Variants in CFAP61 observed in about 807,000 individuals in gnomAD.
CFAP61 encodes the protein cilia and flagella associated protein 61.
Under a neutral mutation model 135.6 loss-of-function variants are expected in CFAP61, and 107 were observed. That is an observed-to-expected ratio of 0.79 (90% CI 0.67 to 0.93). The LOEUF (loss-of-function observed/expected upper bound fraction) is 0.93. Ranked by LOEUF, CFAP61 falls within the 40% of genes least tolerant of loss-of-function variation. The pLI, the probability that CFAP61 is intolerant of heterozygous loss-of-function variation, is 0.00. For missense variants in CFAP61, 1,507 were observed against 1,556.2 expected (o/e 0.97, Z 0.53); for synonymous variants, 575 against 578.5 (o/e 0.99, Z 0.09).
chr20:20,295,458 G>A (rs2055350654), intron 24 of CFAP61, among the ~76,000 whole-genome samples: 1 of 152,114 alleles, frequency 6.6e-6, no homozygotes, highest in Admixed American at 6.5e-5. Flanking sequence ...CTGCCGTGGT[G>A]CAGGAGCCAC....
At chr20:20,226,314 A>G (rs1024745756) in intron 17 of CFAP61, 1 of 152,244 alleles carries the variant, frequency 6.6e-6, no homozygotes, top group Admixed American at 6.5e-5. Flanking sequence ...TGAGAAGAAC[A>G]TGCTCTGGCT....
chr20:20,294,559 C>T (rs908071885), intron 24 of CFAP61, among the ~76,000 whole-genome samples: 3 of 152,182 alleles, frequency 2.0e-5, no homozygotes, highest in African/African-American at 7.2e-5. Context: ...TTCTGTAAGG[C>T]CCTGTATGCC....
intron 7 of CFAP61, among the ~76,000 whole-genome samples, chr20:20,091,328 TTTTG>T (rs1310915063): frequency 6.6e-6 from 1 of 152,180 alleles, no homozygotes; most frequent in Non-Finnish European, 1.5e-5. Context: ...GGCAGATGGA[TTTTG>T]TTTGAGTTGG....
chr20:20,066,155 A>G (rs913560385), intron 2 of CFAP61, among the ~76,000 whole-genome samples: 10 of 152,216 alleles, frequency 6.6e-5, no homozygotes, highest in African/African-American at 2.4e-4. Context: ...CAGAATGGCG[A>G]TCATTAAAAA....
At chr20:20,140,463 C>A (rs1359904678) in intron 8 of CFAP61, among the ~76,000 whole-genome samples, 1 of 150,514 alleles carries the variant, frequency 6.6e-6, no homozygotes, top group East Asian at 2.0e-4. Context: ...TTTGTCCTTG[C>A]GATAGTTTAC....
At chr20:20,216,658 A>G (rs2048058654) in intron 17 of CFAP61, among the ~76,000 whole-genome samples, 1 of 152,194 alleles carries the variant, frequency 6.6e-6, no homozygotes, top group Non-Finnish European at 1.5e-5. Flanking sequence ...TTTCGTAACT[A>G]CTTCAGATAT....
At chr20:20,288,269 A>G (rs1327506716) in intron 22 of CFAP61, among the ~76,000 whole-genome samples, 2 of 152,182 alleles carry the variant, frequency 1.3e-5, no homozygotes, top group African/African-American at 4.8e-5. Context: ...GAGCTGTTCA[A>G]AATGTAGGAG....
intron 2 of CFAP61, among the ~76,000 whole-genome samples, chr20:20,065,962 T>G: frequency 6.7e-6 from 1 of 150,254 alleles, no homozygotes; most frequent in East Asian, 1.9e-4. Flanking sequence ...TAGAAAATCT[T>G]TTGTACAAAG....
intron 26 of CFAP61, among the ~76,000 whole-genome samples, chr20:20,352,768 G>C (rs1042624510): frequency 1.3e-5 from 2 of 152,166 alleles, no homozygotes; most frequent in African/African-American, 4.8e-5. Context: ...AGTTCTTGAC[G>C]TTGGTCTCAG....
intron 19 of CFAP61, among the ~76,000 whole-genome samples, chr20:20,249,053 G>C (rs1327863237): frequency 6.6e-6 from 1 of 152,134 alleles, no homozygotes; most frequent in Non-Finnish European, 1.5e-5. Context: ...CCTAGTGGAG[G>C]TATTTCTCTC....
intron 8 of CFAP61, among the ~76,000 whole-genome samples, chr20:20,124,228 A>C (rs922403083): frequency 6.6e-6 from 1 of 151,324 alleles, no homozygotes; most frequent in South Asian, 2.1e-4. Context: ...GATGCCCTTT[A>C]TTTCTTTCTC....
At chr20:20,182,796 T>C (rs1432693439) in intron 13 of CFAP61, among the ~76,000 whole-genome samples, 1 of 152,258 alleles carries the variant, frequency 6.6e-6, no homozygotes, top group African/African-American at 2.4e-5. Context: ...TGTTTGTTTG[T>C]TTGTTTGCTA....
intron 1 of CFAP61, among the ~76,000 whole-genome samples, chr20:20,054,193 T>G (rs1427852319): frequency 6.6e-6 from 1 of 152,068 alleles, no homozygotes; most frequent in Admixed American, 6.5e-5. Flanking sequence ...TTCTACAAGA[T>G]TCTTTGAATT....
In CFAP61 at chr20:20,262,960, C is replaced by A; in HGVS notation, c.2333C>A (p.Pro778Gln). 6.2e-7 allele frequency: 1 copy of A among 1,609,506 alleles called. No homozygotes were observed. Among genetic ancestry groups the A allele is most frequent in the Non-Finnish European group, 8.5e-7 (1 of 1,177,392 alleles). Residue 778 changes from proline (P) to glutamine (Q), a missense_variant, in exon 21 of 27, where the codon CCA (proline) becomes CAA (glutamine). Pro to Gln is a moderately conservative substitution (Grantham distance 76). Coordinates refer to ENST00000245957, the MANE Select transcript of CFAP61 (RefSeq NM_015585.4). ...CATTTCTCTAACATGCTTCAGGTCC[C>A]ATGCCCTACAGAGGCTGATATTAGT... Reference protein sequence around the residue: ...ILCTGQQYQVPCPTEADISQH... With the variant: ...ILCTGQQYQVQCPTEADISQH...
intron 8 of CFAP61, among the ~76,000 whole-genome samples, chr20:20,124,262 CT>C (rs1279324272): frequency 2.6e-5 from 4 of 151,624 alleles, no homozygotes; most frequent in African/African-American, 9.8e-5. Flanking sequence ...CTGGTTAGGA[CT>C]TCCAGTGCTA....
At chr20:20,094,773 G>A (rs1357808918) in intron 7 of CFAP61, 1 of 152,252 alleles carries the variant, frequency 6.6e-6, no homozygotes, top group Non-Finnish European at 1.5e-5. Flanking sequence ...TCTTAAAATG[G>A]AAGGGCAGAA....
chr20:20,290,803 T>C (rs923605947), intron 24 of CFAP61, among the ~76,000 whole-genome samples: 1 of 152,076 alleles, frequency 6.6e-6, no homozygotes, highest in Non-Finnish European at 1.5e-5. Context: ...GGCAGACGAG[T>C]GTGCCACCTT....
At chr20:20,346,152 C>T (rs575617613) in intron 26 of CFAP61, among the ~76,000 whole-genome samples, 13 of 141,118 alleles carry the variant, frequency 9.2e-5, no homozygotes, top group African/African-American at 2.0e-4. Context: ...CCACCCGCCT[C>T]GGCCTCCCAA....
At chr20:20,137,153 G>A (rs893517045) in intron 8 of CFAP61, among the ~76,000 whole-genome samples, 9 of 152,184 alleles carry the variant, frequency 5.9e-5, no homozygotes, top group African/African-American at 2.2e-4. Context: ...TGGGGGAGGG[G>A]TGACACAAAG....
Sources: allele counts gnomAD v4.1 joint callset (sites outside exome capture counted in the v4.1 genomes callset), GRCh38; gene constraint gnomAD v4.1.1; transcripts MANE v1.5; gene names NCBI Gene and HGNC (gene_info 2026-07-23, HGNC 2026-07-21).